CCDC171: variants seen among roughly 807,000 people sequenced by gnomAD.
The protein encoded by CCDC171 is coiled-coil domain-containing protein 171.
Under a neutral mutation model 168.2 loss-of-function variants are expected in CCDC171, and 177 were observed. The observed-to-expected ratio is 1.05, with a 90% CI of 0.93 to 1.19. The LOEUF is 1.19. Ranked by LOEUF, CCDC171 falls within the 50% of genes most tolerant of loss-of-function variation. CCDC171 has a pLI of 0.00. For synonymous variants in CCDC171, 687 were observed against 540.8 expected, an observed-to-expected ratio of 1.27 and a Z score of -3.75; for missense variants, 1,991 against 1,539.0, an observed-to-expected ratio of 1.29 and a Z score of -4.91.
At chr9:15,691,555 T>TATATAC (rs1269982042) in intron 10 of CCDC171, among the ~76,000 whole-genome samples, 62 of 143,820 alleles carry the variant, frequency 4.3e-4, no homozygotes, top group Admixed American at 9.7e-4. Flanking sequence ...TTTATATATA[T>TATATAC]ATATATATAT....
chr9:15,769,818 A>AAATTCTC, intron 18 of CCDC171, among the ~76,000 whole-genome samples: 1 of 152,324 alleles, frequency 6.6e-6, no homozygotes, highest in East Asian at 1.9e-4. Context: ...TCTAAATACG[A>AAATTCTC]AATTCTCTGT....
chr9:16,040,596 C>T (rs1309718760), upstream of CCDC171, among the ~76,000 whole-genome samples: 1 of 152,194 alleles, frequency 6.6e-6, no homozygotes, highest in Non-Finnish European at 1.5e-5. Flanking sequence ...TGATTGTTTG[C>T]AGTTGTAAAG....
At chr9:15,685,369 A>G (rs773611172) in intron 10 of CCDC171, among the ~76,000 whole-genome samples, 3 of 152,174 alleles carry the variant, frequency 2.0e-5, no homozygotes, top group Non-Finnish European at 4.4e-5. Context: ...GCTGACACCT[A>G]TAATCCCAGC....
At chr9:16,009,658 G>T (rs543657293) in intron 3 of CCDC171, among the ~76,000 whole-genome samples, 2 of 152,162 alleles carry the variant, frequency 1.3e-5, no homozygotes, top group South Asian at 4.2e-4. Flanking sequence ...TAGTCAAATT[G>T]GTAGAAAATT....
chr9:15,977,406 T>C (rs532560534), downstream of CCDC171, among the ~76,000 whole-genome samples: 4 of 152,338 alleles, frequency 2.6e-5, no homozygotes, highest in East Asian at 7.7e-4. Context: ...TTAAAATCTC[T>C]GGATATAGTA....
intron 24 of CCDC171, among the ~76,000 whole-genome samples, chr9:15,884,653 C>T (rs1029393913): frequency 6.6e-6 from 1 of 152,044 alleles, no homozygotes; most frequent in East Asian, 1.9e-4. Flanking sequence ...AAGTTCTGGC[C>T]CTGTAATTTA....
At chr9:15,897,453 T>C (rs1170949812) in intron 24 of CCDC171, among the ~76,000 whole-genome samples, 1 of 152,102 alleles carries the variant, frequency 6.6e-6, no homozygotes, top group East Asian at 1.9e-4. Context: ...TTTGATAGAA[T>C]AGAGATTCAT....
At chr9:15,807,159 T>C (rs1789725399) in intron 21 of CCDC171, among the ~76,000 whole-genome samples, 1 of 152,228 alleles carries the variant, frequency 6.6e-6, no homozygotes, top group Non-Finnish European at 1.5e-5. Context: ...GCTTATGCCA[T>C]TTTCTTCAAT....
intron 21 of CCDC171, among the ~76,000 whole-genome samples, chr9:15,817,419 A>G (rs1239120217): frequency 8.5e-6 from 1 of 118,312 alleles, no homozygotes; most frequent in Non-Finnish European, 1.9e-5. Flanking sequence ...GGGAAGCACA[A>G]GGGGTCAGGG....
At chr9:15,715,250 A>G (rs1178618582) in intron 11 of CCDC171, among the ~76,000 whole-genome samples, 1 of 152,230 alleles carries the variant, frequency 6.6e-6, no homozygotes, top group African/African-American at 2.4e-5. Context: ...TACATAATAA[A>G]TACTTTCCAT....
intron 21 of CCDC171, among the ~76,000 whole-genome samples, chr9:15,840,171 C>T (rs145250714): frequency 2.0e-5 from 3 of 152,060 alleles, no homozygotes; most frequent in Non-Finnish European, 2.9e-5. Context: ...AAACAATTCT[C>T]GAAGTTGAAA....
intron 7 of CCDC171, among the ~76,000 whole-genome samples, chr9:15,630,889 A>G (rs1018033495): frequency 1.3e-5 from 2 of 152,206 alleles, no homozygotes; most frequent in African/African-American, 2.4e-5. Flanking sequence ...GCTCAACTAC[A>G]TGGAAACTGA....
At chr9:15,827,781 T>C (rs2060075361) in intron 21 of CCDC171, among the ~76,000 whole-genome samples, 2 of 152,164 alleles carry the variant, frequency 1.3e-5, no homozygotes, top group Admixed American at 6.5e-5. Context: ...TCAAAGACCT[T>C]GTGATTTTTG....
chr9:15,904,977 C>A (rs1350840367), intron 24 of CCDC171, among the ~76,000 whole-genome samples: 8 of 151,990 alleles, frequency 5.3e-5, no homozygotes, highest in African/African-American at 1.9e-4. Context: ...GCTAACTATC[C>A]TAAATATATA....
At chr9:15,598,944 C>T (rs2042606535) in intron 6 of CCDC171, among the ~76,000 whole-genome samples, 2 of 152,200 alleles carry the variant, frequency 1.3e-5, no homozygotes, top group East Asian at 1.9e-4. Context: ...GGCTTAAAGT[C>T]TGTTTTATCA....
intron 18 of CCDC171, among the ~76,000 whole-genome samples, chr9:15,747,522 T>A (rs1357554839): frequency 1.3e-5 from 2 of 152,120 alleles, no homozygotes; most frequent in Non-Finnish European, 2.9e-5. Context: ...ATCTGGCAGG[T>A]GCCCCTCTGG....
chr9:15,586,023 G>A (rs2041531924), intron 4 of CCDC171, among the ~76,000 whole-genome samples: 4 of 152,166 alleles, frequency 2.6e-5, no homozygotes, highest in Admixed American at 1.3e-4. Flanking sequence ...AAAGATTTGT[G>A]CATTCTACTA....
chr9:15,865,433 G>T (rs2061736683), intron 23 of CCDC171, among the ~76,000 whole-genome samples: 1 of 149,852 alleles, frequency 6.7e-6, no homozygotes, highest in Non-Finnish European at 1.5e-5. Flanking sequence ...GAACACATGG[G>T]TTCGAATTGT....
intron 21 of CCDC171, among the ~76,000 whole-genome samples, chr9:15,809,229 G>A (rs1200714107): frequency 1.3e-5 from 2 of 152,184 alleles, no homozygotes; most frequent in Non-Finnish European, 2.9e-5. Flanking sequence ...ATTAGCATGA[G>A]TGTATTTGCA....
Sources: allele counts gnomAD v4.1 joint callset (sites outside exome capture counted in the v4.1 genomes callset), GRCh38; gene constraint gnomAD v4.1.1; transcripts MANE v1.5; gene names NCBI Gene and HGNC (gene_info 2026-07-23, HGNC 2026-07-21).